Variants in PRKAR1B observed in about 807,000 individuals in gnomAD.
PRKAR1B encodes cAMP-dependent protein kinase type I-beta regulatory subunit.
A neutral mutation model predicts 46.5 loss-of-function variants in PRKAR1B; 22 were observed. The observed-to-expected ratio is 0.47, with a 90% CI of 0.34 to 0.68. The LOEUF (loss-of-function observed/expected upper bound fraction) is 0.68, where lower values mean the gene tolerates loss of function less well. Among genes scored for constraint, PRKAR1B ranks in the 30% least tolerant of loss-of-function variants. The pLI is 0.01. For synonymous variants in PRKAR1B, 259 were observed against 217.7 expected, an observed-to-expected ratio of 1.19 and a Z score of -1.67; for missense variants, 445 against 535.6, an observed-to-expected ratio of 0.83 and a Z score of 1.67.
Position 550,462 on chromosome 7 carries a change from G to T in PRKAR1B, c.1114C>A (p.Arg372Ser). 6.3e-7 allele frequency: 1 copy of T among 1,596,444 alleles called. No individual in the cohort carries two copies. The highest frequency in any genetic ancestry group is 8.5e-7 in the Non-Finnish European group (1 of 1,172,058). Residue 372 changes from arginine (R) to serine (S), a missense_variant, in exon 11 of 11, where the codon CGT (arginine) becomes AGT (serine). Around this residue, in one of 5 missense-constraint regions of PRKAR1B, gnomAD observed 127 missense variants for 138.0 expected, o/e 0.92. Coordinates refer to ENST00000537384, the MANE Select transcript of PRKAR1B (RefSeq NM_001164760.2). The part of the protein sequence containing the change: ...CSEILKRNIQ[R>S]YNSFISLTV ...GTGAGGGAGATGAAGCTGTTGTAAC[G>T]CTGAATGTTCCTCTTGAGGATCTCA...
chr7:659,807 A>G (rs1785410887), intron 4 of PRKAR1B, among the ~76,000 whole-genome samples: 1 of 152,106 alleles, frequency 6.6e-6, no homozygotes, highest in Non-Finnish European at 1.5e-5. Context: ...CCCGGGCTTA[A>G]GCGACCTGCC....
At chr7:615,825 CAAA>C (rs71016887) in intron 4 of PRKAR1B, among the ~76,000 whole-genome samples, 23 of 94,428 alleles carry the variant, frequency 2.4e-4, no homozygotes, top group African/African-American at 4.9e-4. Flanking sequence ...AAGACTCCAT[CAAA>C]AAAAAAAAAA....
At chr7:611,822 G>A (rs932751693) in intron 4 of PRKAR1B, among the ~76,000 whole-genome samples, 2 of 150,698 alleles carry the variant, frequency 1.3e-5, no homozygotes, top group African/African-American at 4.9e-5. Context: ...TGAACAGGTG[G>A]GTGAGCGGAT....
chr7:703,683 T>C (rs1462357295), intron 2 of PRKAR1B, among the ~76,000 whole-genome samples: 1 of 147,088 alleles, frequency 6.8e-6, no homozygotes, highest in Non-Finnish European at 1.5e-5. Flanking sequence ...TCAGCAGGAA[T>C]GCAAAAGACC....
chr7:586,915 A>C (rs1780635150), intron 7 of PRKAR1B, among the ~76,000 whole-genome samples: 2 of 133,548 alleles, frequency 1.5e-5, no homozygotes, highest in East Asian at 2.2e-4. Context: ...AGACAGTCTC[A>C]CTCTGTTGCC....
chr7:641,218 C>A lies in PRKAR1B; in HGVS notation c.441-33766G>T, dbSNP rs533629376. On this transcript the variant is annotated intron_variant, in intron 4 of 10. Coordinates refer to ENST00000537384, the MANE Select transcript of PRKAR1B (RefSeq NM_001164760.2). The stretch of plus-strand genomic sequence containing the variant: ...CCGCCCGCCTCGGCCTCCCAAAGTT[C>A]TGGGATTACAGGCGTGAGCCACCGC... Among the ~76,000 whole-genome samples, 3 of 152,296 alleles carry A rather than the reference C, an allele frequency of 2.0e-5. No homozygotes were observed. In the South Asian group the frequency reaches 6.2e-4, roughly 32 times the overall value.
At chr7:704,927 A>G (rs932390247) in intron 2 of PRKAR1B, among the ~76,000 whole-genome samples, 1 of 152,204 alleles carries the variant, frequency 6.6e-6, no homozygotes, top group African/African-American at 2.4e-5. Flanking sequence ...TTCACCAAAG[A>G]AGATATTTGA....
intron 4 of PRKAR1B, among the ~76,000 whole-genome samples, chr7:625,903 G>A (rs1009227364): frequency 1.3e-5 from 2 of 151,764 alleles, no homozygotes; most frequent in Non-Finnish European, 2.9e-5. Context: ...AGCTACTGGG[G>A]AGGCTGAGGC....
chr7:605,506 C>T (rs922846286), intron 6 of PRKAR1B, among the ~76,000 whole-genome samples: 21 of 152,250 alleles, frequency 1.4e-4, no homozygotes, highest in African/African-American at 4.3e-4. Context: ...TGTCATGTGC[C>T]GTGTGTATGT....
chr7:615,895 G>GA (rs1465374947), intron 4 of PRKAR1B, among the ~76,000 whole-genome samples: 1 of 145,044 alleles, frequency 6.9e-6, no homozygotes, highest in African/African-American at 2.6e-5. Context: ...GAGAGAAAGA[G>GA]AAAAAAGGAA....
At chr7:679,186 T>C (rs972101118) in intron 3 of PRKAR1B, among the ~76,000 whole-genome samples, 2 of 152,268 alleles carry the variant, frequency 1.3e-5, no homozygotes, top group Non-Finnish European at 2.9e-5. Context: ...CTGATGTTAC[T>C]ACCTTACATC....
intron 2 of PRKAR1B, among the ~76,000 whole-genome samples, chr7:701,841 A>G (rs1319324807): frequency 6.6e-6 from 1 of 152,208 alleles, no homozygotes; most frequent in African/African-American, 2.4e-5. Context: ...GTCACCAGCA[A>G]TCCTGCTCTA....
At chr7:561,514 C>T (rs1176741288) in intron 9 of PRKAR1B, among the ~76,000 whole-genome samples, 1 of 152,220 alleles carries the variant, frequency 6.6e-6, no homozygotes, top group African/African-American at 2.4e-5. Flanking sequence ...TCCTGAGCTG[C>T]GTGCAGGCTC....
chr7:605,013 C>CG (rs2128463069), intron 6 of PRKAR1B, among the ~76,000 whole-genome samples: 1 of 152,304 alleles, frequency 6.6e-6, no homozygotes, highest in East Asian at 1.9e-4. Context: ...CGTAAAGAGA[C>CG]GGTCTCATGA....
chr7:588,840 GTAA>G (rs1396322835), intron 7 of PRKAR1B, among the ~76,000 whole-genome samples: 1 of 6,796 alleles, frequency 1.5e-4, no homozygotes, highest in African/African-American at 4.8e-4. Flanking sequence ...GGTGGTGATG[GTAA>G]TGGTGGTGAT....
At chr7:634,765 G>A (rs951261795) in intron 4 of PRKAR1B, among the ~76,000 whole-genome samples, 4 of 151,308 alleles carry the variant, frequency 2.6e-5, no homozygotes, top group African/African-American at 7.3e-5. Context: ...TCAGCCTCCC[G>A]AGTAGCTGGG....
intron 4 of PRKAR1B, among the ~76,000 whole-genome samples, chr7:617,292 C>A (rs577019801): frequency 1.5e-5 from 2 of 137,838 alleles, no homozygotes; most frequent in South Asian, 5.0e-4. Context: ...CACGCAGGAC[C>A]AAGTGCCTTT....
rs559661133 is a variant in PRKAR1B, at chr7:675,714, G to A, written c.440+1515C>T. 3.3e-5 allele frequency among the ~76,000 whole-genome samples: 5 copies of A among 152,282 alleles called. No homozygotes were observed. In the East Asian group the frequency reaches 7.7e-4, roughly 24 times the overall value. ...TGTAATCCCAGCACTTTGGGAGGCC[G>A]AGGCAGGTGGATCATGAGGTCAGGA... On this transcript the variant is annotated intron_variant, in intron 4 of 10. Transcript: ENST00000537384.
chr7:571,835 T>C (rs565889254), intron 9 of PRKAR1B, among the ~76,000 whole-genome samples: 7 of 152,238 alleles, frequency 4.6e-5, no homozygotes, highest in African/African-American at 1.7e-4. Context: ...CACTTTCCCG[T>C]CCGCGGTGAG....
Sources: allele counts gnomAD v4.1 joint callset (sites outside exome capture counted in the v4.1 genomes callset), GRCh38; gene constraint gnomAD v4.1.1; regional missense constraint gnomAD v4.1.1; transcripts MANE v1.5; gene names NCBI Gene and HGNC (gene_info 2026-07-23, HGNC 2026-07-21).